Variants in HMGN5 observed in about 807,000 individuals in gnomAD.
HMGN5 encodes the protein high mobility group nucleosome binding domain 5, also known as high mobility group nucleosome-binding domain-containing protein 5.
In HMGN5, 4 loss-of-function variants were observed where a neutral mutation model predicts 9.5. That is an observed-to-expected ratio of 0.42 (90% confidence interval 0.21 to 0.96). The LOEUF is 0.96. Ranked by LOEUF, HMGN5 falls within the 40% of genes least tolerant of loss-of-function variation. The pLI is 0.30. For missense variants in HMGN5, 192 were observed against 187.5 expected (o/e 1.02, Z -0.14); for synonymous variants, 55 against 57.1 (o/e 0.96, Z 0.16).
At chrX:81,137,561 C>G (rs1032045681) in intron 1 of HMGN5, among the ~76,000 whole-genome samples, 1 of 110,954 alleles carries the variant, frequency 9.0e-6, no homozygotes, top group Non-Finnish European at 1.9e-5. Context: ...AAGCAGTGCT[C>G]AGAGAGAAGT....
At chrX:81,188,625 C>G (rs1056811415) in intron 1 of HMGN5, among the ~76,000 whole-genome samples, 4 of 109,599 alleles carry the variant, frequency 3.6e-5, no homozygotes, top group Middle Eastern at 4.2e-3. Context: ...ATCCCTCCCC[C>G]CTCTCCCCAC....
intron 1 of HMGN5, among the ~76,000 whole-genome samples, chrX:81,179,190 A>C (rs886197537): frequency 2.7e-5 from 3 of 111,765 alleles, no homozygotes; most frequent in Non-Finnish European, 5.6e-5. Flanking sequence ...TAGTGTTGGA[A>C]GTTCTGGACA....
At chrX:81,190,144 C>T (rs143656072) in intron 1 of HMGN5, among the ~76,000 whole-genome samples, 1,303 of 111,161 alleles carry the variant, frequency 0.012, 6 homozygotes, top group Non-Finnish European at 0.018. Context: ...TTTAAGTATT[C>T]GTATATTTTG....
At chrX:81,183,045 G>A (rs965812114) in intron 1 of HMGN5, among the ~76,000 whole-genome samples, 1 of 111,877 alleles carries the variant, frequency 8.9e-6, no homozygotes, top group Non-Finnish European at 1.9e-5. Flanking sequence ...GATAAGAAAC[G>A]TATTGGTCAC....
chrX:81,159,026 A>G (rs781374069), intron 1 of HMGN5, among the ~76,000 whole-genome samples: 3 of 111,918 alleles, frequency 2.7e-5, no homozygotes, highest in Non-Finnish European at 5.6e-5. Flanking sequence ...AATGTGGTAC[A>G]TATACACCAT....
intron 1 of HMGN5, among the ~76,000 whole-genome samples, chrX:81,162,300 G>C (rs2075399475): frequency 9.7e-6 from 1 of 102,857 alleles, no homozygotes; most frequent in Admixed American, 1.1e-4. Context: ...GACTTAAAAG[G>C]ATAGAGATAG....
intron 2 of HMGN5, among the ~76,000 whole-genome samples, 176 bp downstream of exon 2, chrX:81,121,359 A>G (rs941465330): frequency 8.1e-5 from 9 of 111,590 alleles, no homozygotes; most frequent in African/African-American, 2.3e-4. Flanking sequence ...ATGCAAGACC[A>G]TCCTAAACCT....
intron 1 of HMGN5, among the ~76,000 whole-genome samples, chrX:81,183,090 A>G (rs924977061): frequency 3.5e-4 from 39 of 112,152 alleles, no homozygotes; most frequent in Non-Finnish European, 6.0e-4. Flanking sequence ...ATCTGATGGA[A>G]GAAATTTCTA....
chrX:81,167,687 C>T (rs1403636655), intron 1 of HMGN5, among the ~76,000 whole-genome samples: 1 of 111,839 alleles, frequency 8.9e-6, no homozygotes, highest in African/African-American at 3.2e-5. Context: ...TTAAGAATGA[C>T]AAAAGTTAAA....
chrX:81,114,631 A>T lies in HMGN5; in HGVS notation c.*18T>A, dbSNP rs2075247169. 2 of 1,077,431 alleles carry T rather than the reference A, an allele frequency of 1.9e-6. No homozygotes were observed. The highest frequency in any genetic ancestry group is 2.4e-6 in the Non-Finnish European group (2 of 831,049). 88.8% of individuals were successfully genotyped at this position (1,077,431 alleles called of 1,213,427 possible). A position where few individuals can be genotyped will look rare whatever the true frequency, so the allele number is the denominator to read the frequency against. On this transcript the variant is annotated 3_prime_UTR_variant, in exon 7 of 7. Transcript: ENST00000358130. ...TGAAGGTACATGTTACCAAATTATG[A>T]AACTACATAGGGCAGTTTTAAACAA...
intron 1 of HMGN5, among the ~76,000 whole-genome samples, chrX:81,157,256 C>T (rs1482960863): frequency 1.8e-5 from 2 of 111,803 alleles, no homozygotes; most frequent in Non-Finnish European, 3.8e-5. Context: ...CATTTCTTGC[C>T]AGTGGGCCTG....
chrX:81,143,995 C>G (rs1045334329), intron 1 of HMGN5, among the ~76,000 whole-genome samples: 2 of 111,893 alleles, frequency 1.8e-5, no homozygotes, highest in African/African-American at 6.5e-5. Flanking sequence ...GGCAGCCGCC[C>G]AAGTCAGGGA....
chrX:81,125,522 G>A (rs1475585131), intron 1 of HMGN5, among the ~76,000 whole-genome samples: 2 of 111,396 alleles, frequency 1.8e-5, no homozygotes, highest in Non-Finnish European at 1.9e-5. Flanking sequence ...ATCTTCCTAT[G>A]TCCTATGTTT....
intron 1 of HMGN5, among the ~76,000 whole-genome samples, chrX:81,145,441 A>G (rs2075340933): frequency 8.9e-6 from 1 of 112,112 alleles, no homozygotes; most frequent in Non-Finnish European, 1.9e-5. Flanking sequence ...ATCCTTTCAG[A>G]CAAGCAAATG....
In HMGN5 at chrX:81,193,636, T is replaced by C. The variant is rs12390749; in HGVS notation, c.-124+8101A>G. On this transcript the variant is annotated intron_variant, in intron 1 of 6. Transcript: ENST00000358130. Reference sequence around the variant, plus strand: ...GTCAAAGGAAATAAGGAAATGAAAATGAATAAAAAGTATAAGATTGGAAGA... The same window carrying C: ...GTCAAAGGAAATAAGGAAATGAAAACGAATAAAAAGTATAAGATTGGAAGA... 2.1e-3 allele frequency among the ~76,000 whole-genome samples: 234 copies of C among 111,675 alleles called. 2 individuals carry two copies. Among genetic ancestry groups the C allele is most frequent in the African/African-American group, 7.1e-3 (219 of 30,809 alleles).
intron 1 of HMGN5, among the ~76,000 whole-genome samples, chrX:81,130,883 C>T (rs2075296296): frequency 1.8e-5 from 2 of 111,189 alleles, no homozygotes; most frequent in Non-Finnish European, 3.8e-5. Context: ...AAAAATTACA[C>T]TGTAATCTGA....
intron 1 of HMGN5, among the ~76,000 whole-genome samples, chrX:81,174,506 T>G (rs940969980): frequency 6.3e-5 from 7 of 111,591 alleles, no homozygotes; most frequent in Non-Finnish European, 1.3e-4. Context: ...TCTGAGATAC[T>G]AAGGAATAAA....
In HMGN5 at chrX:81,121,574, T is replaced by C; in HGVS notation, c.-25A>G. 1 of 1,159,993 alleles carries C rather than the reference T, an allele frequency of 8.6e-7. No individual in the cohort carries two copies. Among genetic ancestry groups the C allele is most frequent in the Non-Finnish European group, 1.1e-6 (1 of 870,848 alleles). ...TTGTTGTAGCTCTCTATAGGAGATCTTAGTCAGCAGAAAAAAAGCCGAAGG... is the reference window on the plus strand; with the variant it reads ...TTGTTGTAGCTCTCTATAGGAGATCCTAGTCAGCAGAAAAAAAGCCGAAGG... On this transcript the variant is annotated 5_prime_UTR_variant, in exon 2 of 7. Coordinates refer to ENST00000358130, the MANE Select transcript of HMGN5 (RefSeq NM_030763.3).
At chrX:81,164,843 C>T (rs1166790585) in intron 1 of HMGN5, among the ~76,000 whole-genome samples, 1 of 111,412 alleles carries the variant, frequency 9.0e-6, no homozygotes, top group African/African-American at 3.3e-5. Flanking sequence ...GTCTTCCACT[C>T]TATCAGCTGA....
Sources: allele counts gnomAD v4.1 joint callset (sites outside exome capture counted in the v4.1 genomes callset), GRCh38; gene constraint gnomAD v4.1.1; transcripts MANE v1.5; gene names NCBI Gene and HGNC (gene_info 2026-07-23, HGNC 2026-07-21).